MYCBP2: variants seen among roughly 807,000 people sequenced by gnomAD.
The protein encoded by MYCBP2 is E3 ubiquitin-protein ligase MYCBP2.
Under a neutral mutation model 525.3 loss-of-function variants are expected in MYCBP2, and 120 were observed. The observed-to-expected ratio is 0.23, with a 90% CI of 0.20 to 0.27. MYCBP2 has a LOEUF of 0.27. Ranked by LOEUF, MYCBP2 falls within the 10% of genes least tolerant of loss-of-function variation. The pLI, the probability that MYCBP2 is intolerant of heterozygous loss-of-function variation, is 1.00. For missense variants in MYCBP2, 4,149 were observed against 5,657.1 expected (o/e 0.73, Z 8.55); for synonymous variants, 1,894 against 1,955.8 (o/e 0.97, Z 0.83).
chr13:77,288,390 C>T lies in MYCBP2; in HGVS notation c.379-14G>A. 8.8e-6 allele frequency: 14 copies of T among 1,588,102 alleles called. No individual in the cohort carries two copies. Among genetic ancestry groups the T allele is most frequent in the Non-Finnish European group, 1.1e-5 (13 of 1,158,570 alleles). ...TAAGTTTTCAGACTGAAATACAAAACAGAATATTTCCATTTCACACTCTTT... is the reference window on the plus strand; with the variant it reads ...TAAGTTTTCAGACTGAAATACAAAATAGAATATTTCCATTTCACACTCTTT... On this transcript the variant is annotated splice_polypyrimidine_tract_variant and intron_variant, in intron 2 of 82. Transcript: ENST00000544440.
intron 11 of MYCBP2, 138 bp downstream of exon 11, chr13:77,261,915 T>C (rs1044687122): frequency 3.0e-6 from 2 of 667,308 alleles, no homozygotes; most frequent in African/African-American, 1.8e-5. Context: ...AAATTTTATC[T>C]TATAAAAAAT....
chr13:77,118,650 C>A, intron 55 of MYCBP2: 3 of 538,080 alleles, frequency 5.6e-6, no homozygotes, highest in South Asian at 2.7e-5. Context: ...TGTTAATCAT[C>A]CTCAGATTAG....
rs147551721 is a variant in MYCBP2, at chr13:77,076,781, T to C, written c.11793A>G (p.Ser3931=). ...ATACTTTTTCTTCTCCTTCAGGTGA[T>C]GACAATAGTGCTTTTTCCTCTTGTT... The part of the protein sequence containing the change: ...TPEQEEKALL[S]SPEGEEKVYN... The change falls in exon 68 of 83, where the codon TCA becomes TCG. Residue 3931 remains serine, a synonymous_variant. Coordinates refer to ENST00000544440, the MANE Select transcript of MYCBP2 (RefSeq NM_015057.5). The C allele has an allele frequency of 5.8e-5, 93 of 1,611,028 alleles. No individual in the cohort carries two copies. The highest frequency in any genetic ancestry group is 7.0e-5 in the Non-Finnish European group (82 of 1,177,722).
intron 1 of MYCBP2, among the ~76,000 whole-genome samples, chr13:77,325,466 A>T (rs1001158092): frequency 3.3e-5 from 5 of 152,208 alleles, no homozygotes; most frequent in African/African-American, 1.2e-4. Context: ...AAAGAAAACA[A>T]TAGGAGAGCC....
At chr13:77,288,057 C>T in intron 3 of MYCBP2, 104 bp downstream of exon 3, 1 of 1,181,422 alleles carries the variant, frequency 8.5e-7, no homozygotes, top group Non-Finnish European at 1.2e-6. Context: ...TTTTAGTGTG[C>T]AATTTTACAT....
intron 2 of MYCBP2, among the ~76,000 whole-genome samples, chr13:77,293,220 G>A (rs1413838203): frequency 6.6e-6 from 1 of 152,156 alleles, no homozygotes; most frequent in Non-Finnish European, 1.5e-5. Flanking sequence ...GTGCTGGAAG[G>A]TAGAATTTAT....
chr13:77,284,260 A>G (rs9574026), intron 3 of MYCBP2, among the ~76,000 whole-genome samples: 100,770 of 151,364 alleles, frequency 0.67, 35,780 homozygotes, highest in Non-Finnish European at 0.8. Context: ...GAGTACAAGA[A>G]ACAGAAACCT....
At position 77,156,127 on chromosome 13, in the gene MYCBP2, A is replaced by G. The variant is rs754071228; in HGVS notation, c.6846T>C (p.Gly2282=). ...LILNKDDIRC[G]WPTTITVQTK... is the part of the protein sequence containing the mutation. ...TTTGAACAGTTATGGTGGTAGGCCA[A>G]CCACAACGAATATCATCCTTATTCA... is the stretch of plus-strand genomic sequence containing the variant. Residue 2282 remains glycine, a synonymous_variant, in exon 46 of 83, where the codon GGT becomes GGC. Transcript: ENST00000544440. 3.7e-6 allele frequency: 6 copies of G among 1,614,104 alleles called. No individual in the cohort carries two copies. Among genetic ancestry groups the G allele is most frequent in the East Asian group, 4.5e-5 (2 of 44,868 alleles).
chr13:77,308,456 T>G (rs1022874614), intron 1 of MYCBP2, among the ~76,000 whole-genome samples: 1 of 152,356 alleles, frequency 6.6e-6, no homozygotes, highest in Non-Finnish European at 1.5e-5. Context: ...CACTGTGATC[T>G]TGGTATTACT....
At chr13:77,165,178 G>T in intron 42 of MYCBP2, 95 bp downstream of exon 42, 1 of 1,088,700 alleles carries the variant, frequency 9.2e-7, no homozygotes, top group Non-Finnish European at 1.4e-6. Flanking sequence ...TTCGAATAGA[G>T]GCAACAGTAC....
In MYCBP2 at chr13:77,064,741, A is replaced by G; in HGVS notation, c.12553-7T>C. ...AAGCTTCTGACAGATGACCCTATTG[A>G]GCAGAACAGAGTATTTTAATAAGTG... On this transcript the variant is annotated splice_polypyrimidine_tract_variant and splice_region_variant and intron_variant, in intron 72 of 82. Transcript: ENST00000544440. 1 of 1,612,908 alleles carries G rather than the reference A, an allele frequency of 6.2e-7. No individual in the cohort carries two copies.
At position 77,185,364 on chromosome 13, in the gene MYCBP2, T is replaced by C; in HGVS notation, c.4458A>G (p.Ala1486=). ...CTAATTTGCTAGTTTCTTCTACAAC[T>C]GCTTTTCCTGTAGCTTTGAGGGGGA... ...EIYPVSATGK[A]VVEETSKLAE... is the part of the protein sequence containing the mutation. Residue 1486 remains alanine (A), a synonymous_variant, in exon 32 of 83, where the codon GCA becomes GCG. Coordinates refer to ENST00000544440, the MANE Select transcript of MYCBP2 (RefSeq NM_015057.5). 6.2e-7 allele frequency: 1 copy of C among 1,610,686 alleles called. No individual in the cohort carries two copies. The highest frequency in any genetic ancestry group is 1.1e-5 in the South Asian group (1 of 90,726).
chr13:77,161,953 T>C lies in MYCBP2; in HGVS notation c.6550A>G (p.Asn2184Asp), dbSNP rs746334567. Residue 2184 changes from asparagine (N) to aspartate (D), a missense_variant and splice_region_variant, in exon 44 of 83, where the codon AAT (asparagine) becomes GAT (aspartate). By Grantham distance (23) the Asn-to-Asp change is conservative. Transcript: ENST00000544440. ...ATTTCAAGGTCTTCTTCTAATTCATTACCTGTTGTGTAAATAAAGAGTTTT... is the reference window on the plus strand; with the variant it reads ...ATTTCAAGGTCTTCTTCTAATTCATCACCTGTTGTGTAAATAAAGAGTTTT... ...MKKDLALPIG[N>D]ELEEDLEILE... The C allele has an allele frequency of 1.2e-6, 2 of 1,600,832 alleles. No homozygotes were observed. The highest frequency in any genetic ancestry group is 4.5e-5 in the East Asian group (2 of 44,530).
intron 14 of MYCBP2, 29 bp from the exon 15 acceptor site, chr13:77,251,384 A>C: frequency 6.3e-7 from 1 of 1,589,440 alleles, no homozygotes; most frequent in Non-Finnish European, 8.6e-7. Flanking sequence ...TGTAATTTTT[A>C]TACAGGTTAC....
At position 77,185,115 on chromosome 13, in the gene MYCBP2, A is replaced by G; in HGVS notation, c.4707T>C (p.Asn1569=). Residue 1569 remains asparagine, a synonymous_variant, in exon 32 of 83, where the codon AAT becomes AAC. Transcript: ENST00000544440. ...LQWACLCDLL[N]CLDQDIQEAN... ...AAACTTAAATTACCTGATCCAAACA[A>G]TTCAGCAGATCACAAAGGCAAGCCC... 6.2e-7 allele frequency: 1 copy of G among 1,614,008 alleles called. No individual in the cohort carries two copies.
chr13:77,233,224 C>T lies in MYCBP2; in HGVS notation c.2669G>A (p.Arg890Gln), dbSNP rs143838484. 1.9e-5 allele frequency: 30 copies of T among 1,613,358 alleles called. No homozygotes were observed. The highest frequency in any genetic ancestry group is 8.3e-5 in the Admixed American group (5 of 59,910). Residue 890 changes from arginine to glutamine, a missense_variant, in exon 18 of 83, where the codon CGA becomes CAA. Physicochemically the swap from Arg to Gln is conservative, Grantham distance 43. Around this residue, in one of 21 missense-constraint regions of MYCBP2, gnomAD observed 620 missense variants for 795.5 expected, o/e 0.78. Transcript: ENST00000544440. The part of the protein sequence containing the change: ...VFAGPIFMNH[R>Q]EQALARLRSH... ...TCTGAGTCTGGCTAGAGCCTGTTCTCGATGGTTCATAAAAATAGGACCAGC... is the reference window on the plus strand; with the variant it reads ...TCTGAGTCTGGCTAGAGCCTGTTCTTGATGGTTCATAAAAATAGGACCAGC...
At chr13:77,189,075 A>G in intron 29 of MYCBP2, 28 bp from the exon 30 acceptor site, 1 of 1,502,736 alleles carries the variant, frequency 6.7e-7, no homozygotes, top group East Asian at 2.4e-5. Flanking sequence ...ATATAAAATT[A>G]TGTTAGAAAG....
At chr13:77,186,987 T>C (rs1321465799) in intron 30 of MYCBP2, among the ~76,000 whole-genome samples, 1 of 151,930 alleles carries the variant, frequency 6.6e-6, no homozygotes, top group Non-Finnish European at 1.5e-5. Context: ...AATTTTTAAG[T>C]TTTTTTAGAT....
intron 43 of MYCBP2, 107 bp downstream of exon 43, chr13:77,164,347 T>C: frequency 4.3e-6 from 3 of 698,826 alleles, no homozygotes; most frequent in Non-Finnish European, 7.5e-6. Flanking sequence ...CTCATGAATA[T>C]ATGAGATTAC....
Sources: allele counts gnomAD v4.1 joint callset (sites outside exome capture counted in the v4.1 genomes callset), GRCh38; gene constraint gnomAD v4.1.1; regional missense constraint gnomAD v4.1.1; transcripts MANE v1.5; gene names NCBI Gene and HGNC (gene_info 2026-07-23, HGNC 2026-07-21).